Variants in TSPO observed in about 807,000 individuals in gnomAD.
TSPO encodes benzodiazepine peripheral binding site.
In TSPO, 14 loss-of-function variants were observed where a neutral mutation model predicts 13.9. The observed-to-expected ratio is 1.01, with a 90% CI of 0.67 to 1.58. TSPO has a LOEUF of 1.58. Among genes scored for constraint, TSPO ranks in the 40% most tolerant of loss-of-function variants. TSPO has a pLI of 0.00. For missense variants in TSPO, 232 were observed against 229.6 expected (o/e 1.01, Z -0.07); for synonymous variants, 114 against 105.9 (o/e 1.08, Z -0.47).
chr22:43,153,068 TTC>T (rs540024299), intron 1 of TSPO, among the ~76,000 whole-genome samples: 106 of 141,568 alleles, frequency 7.5e-4, no homozygotes, highest in South Asian at 8.4e-4. Context: ...TCTTTCTTCT[TTC>T]TCTTTCTTTC....
intron 2 of TSPO, chr22:43,159,719 C>T (rs935016185): frequency 2.0e-5 from 7 of 343,302 alleles, no homozygotes; most frequent in South Asian, 1.3e-4. Flanking sequence ...GAGGCATGGA[C>T]GCTAAGATTA....
rs79641860 is a variant in TSPO, at chr22:43,157,815, C to A, written c.-29-1395C>A. 5.9e-3 allele frequency among the ~76,000 whole-genome samples: 900 copies of A among 152,326 alleles called. 8 individuals are homozygous for A. The highest frequency in any genetic ancestry group is 0.021 in the African/African-American group (881 of 41,566). ...TCGCGCCATTGTATTCCACCCTGGG[C>A]AACAGAGCAAGACTCTGTCTCAAAA... On this transcript the variant is annotated intron_variant, in intron 1 of 3. Coordinates refer to ENST00000337554, the MANE Select transcript of TSPO (RefSeq NM_000714.6).
intron 1 of TSPO, among the ~76,000 whole-genome samples, chr22:43,152,672 C>A (rs150558505): frequency 6.6e-6 from 1 of 152,372 alleles, no homozygotes; most frequent in Non-Finnish European, 1.5e-5. Context: ...TGGCTGCTGG[C>A]AGCCCCACAG....
chr22:43,160,757 C>T (rs576989499), intron 2 of TSPO, among the ~76,000 whole-genome samples: 2 of 152,364 alleles, frequency 1.3e-5, no homozygotes, highest in African/African-American at 4.8e-5. Context: ...AGAGCCTCCT[C>T]TCTACCTATT....
intron 1 of TSPO, 115 bp from the exon 2 acceptor site, chr22:43,159,095 G>A: frequency 1.2e-6 from 1 of 829,958 alleles, no homozygotes; most frequent in Non-Finnish European, 1.8e-6. Context: ...TGCGCCTCCT[G>A]ATCAGCTGAC....
At chr22:43,161,579 C>G (rs1042932549) in intron 3 of TSPO, among the ~76,000 whole-genome samples, 24 of 151,280 alleles carry the variant, frequency 1.6e-4, no homozygotes, top group Admixed American at 1.5e-3. Flanking sequence ...CCTCCACCTC[C>G]TGGGTTCAAG....
Position 43,163,241 on chromosome 22 carries a change from T to G in TSPO, c.*250T>G. 3 of 1,191,024 alleles carry G rather than the reference T, an allele frequency of 2.5e-6. No homozygotes were observed. The highest frequency in any genetic ancestry group is 2.9e-5 in the East Asian group (1 of 34,620). The allele number at this position is 1,191,024 out of a possible 1,614,324, so 73.8% of individuals were successfully genotyped here. Reference sequence around the variant, plus strand: ...GCTGAATAAAGTTTTTGACTTCCTTTACCATGGCCTTTTTGCTTGGGTGGG... The same window carrying G: ...GCTGAATAAAGTTTTTGACTTCCTTGACCATGGCCTTTTTGCTTGGGTGGG... On this transcript the variant is annotated 3_prime_UTR_variant, in exon 4 of 4. Transcript: ENST00000337554.
intron 2 of TSPO, 84 bp downstream of exon 2, chr22:43,159,504 C>T (rs1052644630): frequency 2.7e-5 from 35 of 1,304,580 alleles, no homozygotes; most frequent in African/African-American, 1.8e-4. Context: ...CTTCTCCAGG[C>T]GGGCCATGGA....
chr22:43,154,180 G>A (rs764912038), intron 1 of TSPO, among the ~76,000 whole-genome samples: 6 of 152,044 alleles, frequency 3.9e-5, no homozygotes, highest in Non-Finnish European at 7.4e-5. Context: ...CGATGAGGAC[G>A]ATTAGCCATG....
chr22:43,162,655 G>C, intron 3 of TSPO, 148 bp from the exon 4 acceptor site: 2 of 742,862 alleles, frequency 2.7e-6, no homozygotes, highest in Non-Finnish European at 4.3e-6. Context: ...TGCGATGGGG[G>C]AGGGGCTTGG....
chr22:43,154,031 G>T (rs920718983), intron 1 of TSPO, among the ~76,000 whole-genome samples: 9 of 152,160 alleles, frequency 5.9e-5, no homozygotes, highest in Admixed American at 1.3e-4. Context: ...TTTCTTAACA[G>T]AACCAATTCC....
intron 1 of TSPO, among the ~76,000 whole-genome samples, chr22:43,155,080 C>T (rs897652669): frequency 5.4e-5 from 8 of 149,022 alleles, no homozygotes; most frequent in South Asian, 2.2e-4. Flanking sequence ...AGTGGTCACG[C>T]GGCCCAGAGC....
At chr22:43,160,769 A>G (rs1262007727) in intron 2 of TSPO, among the ~76,000 whole-genome samples, 1 of 152,194 alleles carries the variant, frequency 6.6e-6, no homozygotes, top group Non-Finnish European at 1.5e-5. Flanking sequence ...CTACCTATTC[A>G]CACCATGTGC....
At chr22:43,153,104 C>CTCTTTCTT (rs1430665274) in intron 1 of TSPO, among the ~76,000 whole-genome samples, 1 of 68,604 alleles carries the variant, frequency 1.5e-5, no homozygotes, top group Admixed American at 1.4e-4. Context: ...TTCCTTCTTT[C>CTCTTTCTT]CTTTCTCTTT....
At chr22:43,158,371 G>A (rs546485652) in intron 1 of TSPO, among the ~76,000 whole-genome samples, 6 of 152,192 alleles carry the variant, frequency 3.9e-5, no homozygotes, top group African/African-American at 1.4e-4. Context: ...AGGCCTTGCT[G>A]CAAGTTGGCA....
intron 2 of TSPO, among the ~76,000 whole-genome samples, chr22:43,160,849 G>T (rs544376621): frequency 6.6e-6 from 1 of 152,170 alleles, no homozygotes; most frequent in Non-Finnish European, 1.5e-5. Context: ...GCTGGGTATC[G>T]CATGAAGCAC....
At chr22:43,158,102 G>A (rs919816343) in intron 1 of TSPO, among the ~76,000 whole-genome samples, 2 of 152,062 alleles carry the variant, frequency 1.3e-5, no homozygotes, top group Non-Finnish European at 2.9e-5. Flanking sequence ...TTTGCCCTTT[G>A]CCCCTGCCAA....
At chr22:43,161,952 G>A (rs1037323525) in intron 3 of TSPO, among the ~76,000 whole-genome samples, 5 of 151,094 alleles carry the variant, frequency 3.3e-5, no homozygotes, top group African/African-American at 9.7e-5. Flanking sequence ...CACTGTGCCC[G>A]GCAGCCTTTT....
At position 43,162,310 on chromosome 22, in the gene TSPO, C is replaced by T. The variant is rs368764025; in HGVS notation, c.322-493C>T. On this transcript the variant is annotated intron_variant, in intron 3 of 3. Transcript: ENST00000337554. ...CTAATTTTTTTATTTTTAGTAGAGA[C>T]GGGGTTTTACCATATTGGTCAGGTT... Among the ~76,000 whole-genome samples the T allele has an allele frequency of 1.2e-4, 18 of 151,976 alleles. No homozygotes were observed. In the East Asian group the frequency reaches 2.5e-3, roughly 21 times the overall value.
Sources: allele counts gnomAD v4.1 joint callset (sites outside exome capture counted in the v4.1 genomes callset), GRCh38; gene constraint gnomAD v4.1.1; transcripts MANE v1.5; gene names NCBI Gene and HGNC (gene_info 2026-07-23, HGNC 2026-07-21).